Variants in RIPK2 observed in about 807,000 individuals in gnomAD.
RIPK2 encodes the protein receptor-interacting serine/threonine-protein kinase 2.
RIPK2 carries 38 observed loss-of-function variants against 60.9 expected under a neutral mutation model. That is an observed-to-expected ratio of 0.62 (90% CI 0.48 to 0.82). RIPK2 has a LOEUF of 0.82. Ranked by LOEUF, RIPK2 falls within the 40% of genes least tolerant of loss-of-function variation. The pLI, the probability that RIPK2 is intolerant of heterozygous loss-of-function variation, is 0.00. For synonymous variants in RIPK2, 225 were observed against 223.4 expected (o/e 1.01, Z -0.06); for missense variants, 518 against 647.0 (o/e 0.80, Z 2.16).
Position 89,758,054 on chromosome 8 carries a change from C to T in RIPK2, c.-7C>T, listed in dbSNP as rs777311934. 7.6e-6 allele frequency: 12 copies of T among 1,587,106 alleles called. 1 individual carries two copies. The highest frequency in any genetic ancestry group is 7.0e-5 in the Admixed American group (4 of 57,040). ...CACACCCGGAACCGGCCTGAGCGCC[C>T]GGGACCATGAACGGGGAGGCCATCT... On this transcript the variant is annotated 5_prime_UTR_variant, in exon 1 of 11. Transcript: ENST00000220751.
At chr8:89,759,287 T>C in intron 1 of RIPK2, 2 of 456,296 alleles carry the variant, frequency 4.4e-6, no homozygotes, top group South Asian at 3.1e-5. Flanking sequence ...TATTAGTCAA[T>C]GGGTCACTAG....
At chr8:89,782,207 T>G (rs1809513007) in intron 7 of RIPK2, among the ~76,000 whole-genome samples, 1 of 152,094 alleles carries the variant, frequency 6.6e-6, no homozygotes, top group Non-Finnish European at 1.5e-5. Flanking sequence ...AACAGGGTGG[T>G]AGCTTATACA....
At chr8:89,765,953 A>G (rs988992191) in intron 3 of RIPK2, among the ~76,000 whole-genome samples, 4 of 151,662 alleles carry the variant, frequency 2.6e-5, no homozygotes, top group African/African-American at 9.7e-5. Flanking sequence ...GTACAGCACT[A>G]CTCATAACAT....
intron 7 of RIPK2, among the ~76,000 whole-genome samples, chr8:89,783,278 C>T (rs1809530142): frequency 6.6e-6 from 1 of 152,136 alleles, no homozygotes; most frequent in Non-Finnish European, 1.5e-5. Context: ...CCAAGCCTAG[C>T]TTATATAGAC....
intron 7 of RIPK2, among the ~76,000 whole-genome samples, chr8:89,782,859 A>G (rs1046202644): frequency 1.3e-5 from 2 of 152,190 alleles, no homozygotes; most frequent in Non-Finnish European, 2.9e-5. Context: ...AGTAATTTGA[A>G]TTATCATAAC....
In RIPK2 at chr8:89,782,607, C is replaced by T. The variant is rs576355897; in HGVS notation, c.940-1443C>T. Reference sequence around the variant, plus strand: ...ATCTCTTGAGCCCAGGAGTTCCAGTCCAACCTGGGCAACATACCAAGACCC... The same window carrying T: ...ATCTCTTGAGCCCAGGAGTTCCAGTTCAACCTGGGCAACATACCAAGACCC... On this transcript the variant is annotated intron_variant, in intron 7 of 10. Transcript: ENST00000220751. Among the ~76,000 whole-genome samples the T allele has an allele frequency of 2.6e-5, 4 of 151,364 alleles. No homozygotes were observed. In the South Asian group the frequency reaches 8.4e-4, roughly 32 times the overall value.
intron 9 of RIPK2, among the ~76,000 whole-genome samples, chr8:89,786,983 T>C (rs1296414957): frequency 3.3e-5 from 5 of 151,890 alleles, no homozygotes; most frequent in Non-Finnish European, 7.4e-5. Flanking sequence ...CTGGCCAACA[T>C]GGTGAAACCC....
chr8:89,776,138 C>G (rs1809395244), intron 6 of RIPK2, among the ~76,000 whole-genome samples: 1 of 152,122 alleles, frequency 6.6e-6, no homozygotes, highest in African/African-American at 2.4e-5. Flanking sequence ...AAGGAGAAAA[C>G]TGCAAAGGTA....
intron 8 of RIPK2, among the ~76,000 whole-genome samples, chr8:89,785,721 A>G (rs1809576492): frequency 6.6e-6 from 1 of 152,240 alleles, no homozygotes; most frequent in Admixed American, 6.5e-5. Context: ...TCACATTTTT[A>G]ATCACTTGAT....
chr8:89,785,592 T>C (rs1404150230), intron 8 of RIPK2, among the ~76,000 whole-genome samples: 4 of 152,190 alleles, frequency 2.6e-5, no homozygotes, highest in African/African-American at 9.7e-5. Flanking sequence ...GTTATATATA[T>C]ACAAATATTC....
chr8:89,769,742 T>G (rs1809283025), intron 3 of RIPK2, 30 bp from the exon 4 acceptor site: 3 of 1,470,326 alleles, frequency 2.0e-6, no homozygotes, highest in South Asian at 1.5e-5. Context: ...AAGAGGAAAT[T>G]TCTTAATTAT....
At chr8:89,779,310 G>GTCTT (rs1809454643) in intron 6 of RIPK2, among the ~76,000 whole-genome samples, 1 of 79,094 alleles carries the variant, frequency 1.3e-5, no homozygotes, top group Non-Finnish European at 2.1e-5. Flanking sequence ...CGGTTTTTGG[G>GTCTT]TTTTTTTTTT....
Position 89,757,945 on chromosome 8 carries a change from G to T in RIPK2, c.-116G>T, listed in dbSNP as rs1017280289. The T allele has an allele frequency of 5.0e-6, 7 of 1,411,626 alleles. No individual in the cohort carries two copies. The highest frequency in any genetic ancestry group is 2.5e-4 in the Middle Eastern group (1 of 3,926). 87.4% of individuals were successfully genotyped at this position (1,411,626 alleles called of 1,614,324 possible). On this transcript the variant is annotated 5_prime_UTR_variant, in exon 1 of 11. Coordinates refer to ENST00000220751, the MANE Select transcript of RIPK2 (RefSeq NM_003821.6). Reference sequence around the variant, plus strand: ...TGACCTAGTGTTGCGGGGCAAAAAGGGTCTTGCCGGCCTCGCTCGTGCAGG... The same window carrying T: ...TGACCTAGTGTTGCGGGGCAAAAAGTGTCTTGCCGGCCTCGCTCGTGCAGG...
chr8:89,784,587 G>A (rs1235836675), intron 8 of RIPK2, among the ~76,000 whole-genome samples: 1 of 152,142 alleles, frequency 6.6e-6, no homozygotes. Context: ...TTTCTTTTAA[G>A]AATGTATATG....
chr8:89,786,761 C>A, intron 9 of RIPK2, 75 bp downstream of exon 9: 3 of 861,042 alleles, frequency 3.5e-6, no homozygotes, highest in Non-Finnish European at 5.8e-6. Context: ...TGCAAGCAGT[C>A]ATGATTTCTA....
At chr8:89,765,537 T>G in intron 3 of RIPK2, 41 bp downstream of exon 3, 1 of 1,354,708 alleles carries the variant, frequency 7.4e-7, no homozygotes, top group South Asian at 1.3e-5. Flanking sequence ...CTTGTCCTTA[T>G]AGTTTTAAAA....
chr8:89,779,892 T>G (rs1018277861), intron 6 of RIPK2, among the ~76,000 whole-genome samples, 183 bp from the exon 7 acceptor site: 1 of 152,230 alleles, frequency 6.6e-6, no homozygotes, highest in Non-Finnish European at 1.5e-5. Flanking sequence ...GTTTTTAGAT[T>G]CTCAACACTA....
At chr8:89,789,744 A>C (rs40247) in intron 10 of RIPK2, among the ~76,000 whole-genome samples, 97,244 of 152,054 alleles carry the variant, frequency 0.64, 33,031 homozygotes, top group African/African-American at 0.88. Flanking sequence ...GTTTATTTAA[A>C]AAATTTGCAG....
chr8:89,781,521 C>T (rs1809500633), intron 7 of RIPK2, among the ~76,000 whole-genome samples: 1 of 151,978 alleles, frequency 6.6e-6, no homozygotes, highest in South Asian at 2.1e-4. Flanking sequence ...GCGTGGGCTA[C>T]CACACTCAGC....
Sources: allele counts gnomAD v4.1 joint callset (sites outside exome capture counted in the v4.1 genomes callset), GRCh38; gene constraint gnomAD v4.1.1; transcripts MANE v1.5; gene names NCBI Gene and HGNC (gene_info 2026-07-23, HGNC 2026-07-21).